The following CNTN4 variants were observed in gnomAD, a reference collection of about 807,000 sequenced individuals.
The protein encoded by CNTN4 is contactin-4.
A neutral mutation model predicts 122.5 loss-of-function variants in CNTN4; 77 were observed. The ratio of observed to expected loss-of-function variants is 0.63; its 90% CI spans 0.52 to 0.76. The LOEUF is 0.76. Ranked by LOEUF, CNTN4 falls within the 30% of genes least tolerant of loss-of-function variation. CNTN4 has a pLI of 0.00. For synonymous variants in CNTN4, 512 were observed against 447.0 expected (o/e 1.15, Z -1.83); for missense variants, 1,256 against 1,259.1 (o/e 1.00, Z 0.04).
At chr3:2,335,296 A>C (rs1009448150) in intron 2 of CNTN4, among the ~76,000 whole-genome samples, 7 of 129,384 alleles carry the variant, frequency 5.4e-5, no homozygotes, top group African/African-American at 2.0e-4. Context: ...TGAATTTTTC[A>C]TGATTAAAAA....
intron 5 of CNTN4, 55 bp downstream of exon 5, chr3:2,736,396 C>G: frequency 6.9e-7 from 1 of 1,454,462 alleles, no homozygotes. Context: ...TTATTAAAAT[C>G]AACAAATACT....
At chr3:2,998,681 G>A in intron 14 of CNTN4, among the ~76,000 whole-genome samples, 1 of 152,154 alleles carries the variant, frequency 6.6e-6, no homozygotes, top group East Asian at 1.9e-4. Flanking sequence ...CCAGGAAAAA[G>A]AAATGTATCT....
At chr3:2,900,845 G>T (rs2151131343) in intron 11 of CNTN4, 24 bp downstream of exon 11, 1 of 1,613,584 alleles carries the variant, frequency 6.2e-7, no homozygotes, top group Non-Finnish European at 8.5e-7. Context: ...TGGTAATTGT[G>T]CCTTAGTCTT....
intron 3 of CNTN4, among the ~76,000 whole-genome samples, chr3:2,550,154 T>G (rs1162009667): frequency 6.6e-6 from 1 of 152,172 alleles, no homozygotes; most frequent in Non-Finnish European, 1.5e-5. Flanking sequence ...AACCAGTTCC[T>G]GGAGTCATTG....
At chr3:2,736,549 C>T (rs199694184) in intron 5 of CNTN4, among the ~76,000 whole-genome samples, 6 of 151,500 alleles carry the variant, frequency 4.0e-5, no homozygotes, top group South Asian at 4.2e-4. Context: ...CCACAACCTC[C>T]GCCTCCCAGG....
chr3:2,182,884 A>G (rs1273068896), intron 2 of CNTN4, among the ~76,000 whole-genome samples: 2 of 151,950 alleles, frequency 1.3e-5, no homozygotes, highest in Non-Finnish European at 2.9e-5. Context: ...ACTGTTCCTA[A>G]CAGCAGGTGC....
intron 13 of CNTN4, among the ~76,000 whole-genome samples, chr3:2,955,009 G>A (rs905828736): frequency 2.6e-5 from 4 of 152,148 alleles, no homozygotes; most frequent in Admixed American, 6.6e-5. Context: ...GAAGAAATGG[G>A]TGGTGGATAA....
At chr3:2,426,156 C>G (rs9839214) in intron 3 of CNTN4, among the ~76,000 whole-genome samples, 142,619 of 152,230 alleles carry the variant, frequency 0.94, 66,849 homozygotes, top group East Asian at 0.99. Context: ...AGTTTGCAAA[C>G]GAAATGGTTC....
intron 4 of CNTN4, among the ~76,000 whole-genome samples, chr3:2,633,608 C>T (rs1283170577): frequency 6.6e-6 from 1 of 152,106 alleles, no homozygotes; most frequent in Non-Finnish European, 1.5e-5. Context: ...TCTTTAATGT[C>T]TATTTTATTA....
intron 2 of CNTN4, among the ~76,000 whole-genome samples, chr3:2,208,526 A>G (rs1249184526): frequency 6.6e-6 from 1 of 152,180 alleles, no homozygotes; most frequent in Non-Finnish European, 1.5e-5. Flanking sequence ...TTGTTGACAT[A>G]ACAACACAGG....
chr3:2,155,475 TTA>T (rs1353868491), intron 2 of CNTN4, among the ~76,000 whole-genome samples: 1 of 151,102 alleles, frequency 6.6e-6, no homozygotes, highest in African/African-American at 2.4e-5. Context: ...AATCTATGTA[TTA>T]CAGAACACAG....
chr3:2,977,256 T>C (rs1577472850), intron 13 of CNTN4, among the ~76,000 whole-genome samples: 1 of 152,252 alleles, frequency 6.6e-6, no homozygotes, highest in Admixed American at 6.5e-5. Context: ...GTTGCCATTT[T>C]GGTGTAGATC....
chr3:2,613,241 C>G lies in CNTN4; in HGVS notation c.55+41683C>G, dbSNP rs140770560. 2.0e-5 allele frequency among the ~76,000 whole-genome samples: 3 copies of G among 152,080 alleles called. No homozygotes were observed. The East Asian group carries it at 5.8e-4, about 29-fold the overall frequency. ...CCATGTATTTTATTAATGATGACAC[C>G]TTTTCCTAAAGTCTCCCCCAAACTG... On this transcript the variant is annotated intron_variant, in intron 4 of 24. Coordinates refer to ENST00000418658, the MANE Select transcript of CNTN4 (RefSeq NM_175607.3).
intron 2 of CNTN4, among the ~76,000 whole-genome samples, chr3:2,324,807 C>T (rs892076092): frequency 4.0e-5 from 6 of 148,582 alleles, no homozygotes; most frequent in Non-Finnish European, 6.1e-5. Flanking sequence ...TAATTTCTAC[C>T]CTCCCCTAGC....
intron 15 of CNTN4, among the ~76,000 whole-genome samples, chr3:3,029,585 C>T (rs529034833): frequency 1.2e-4 from 18 of 152,138 alleles, no homozygotes; most frequent in Non-Finnish European, 1.6e-4. Context: ...TGTACTGAAA[C>T]GATGGAGATA....
intron 4 of CNTN4, among the ~76,000 whole-genome samples, chr3:2,617,504 T>G (rs1405843455): frequency 1.5e-5 from 2 of 133,390 alleles, no homozygotes; most frequent in Non-Finnish European, 3.1e-5. Context: ...CACTGCAACC[T>G]CCACCTCCCG....
chr3:2,156,349 T>C (rs2035717369), intron 2 of CNTN4, among the ~76,000 whole-genome samples: 2 of 152,104 alleles, frequency 1.3e-5, no homozygotes, highest in Non-Finnish European at 2.9e-5. Context: ...TCATAGGCCA[T>C]GTGGGGTCTG....
At chr3:2,637,267 GC>G (rs1157954629) in intron 4 of CNTN4, among the ~76,000 whole-genome samples, 1 of 151,956 alleles carries the variant, frequency 6.6e-6, no homozygotes, top group Non-Finnish European at 1.5e-5. Context: ...TACACAAGGT[GC>G]TTAAACCATT....
chr3:2,431,489 G>A (rs1469308911), intron 3 of CNTN4, among the ~76,000 whole-genome samples: 17 of 152,144 alleles, frequency 1.1e-4, no homozygotes, highest in Admixed American at 1.1e-3. Flanking sequence ...CCACTTTTCA[G>A]TTTTGCAAAA....
Sources: gnomAD v4.1 joint callset for allele counts (sites outside exome capture counted in the v4.1 genomes callset) on GRCh38, gnomAD v4.1.1 for gene constraint, MANE v1.5 for transcripts, NCBI Gene and HGNC (gene_info 2026-07-23, HGNC 2026-07-21) for gene names.